Variants in NR5A2 observed in about 807,000 individuals in gnomAD.
The protein encoded by NR5A2 is CYP7A promoter-binding factor.
NR5A2 carries 26 observed loss-of-function variants against 62.7 expected under a neutral mutation model. The ratio of observed to expected loss-of-function variants is 0.41; its 90% CI spans 0.30 to 0.58. The LOEUF (loss-of-function observed/expected upper bound fraction) is 0.58. NR5A2 is among the 20% of genes least tolerant of loss of function. The pLI is 0.22. For synonymous variants in NR5A2, 246 were observed against 241.7 expected, an observed-to-expected ratio of 1.02 and a Z score of -0.16; for missense variants, 541 against 669.1, an observed-to-expected ratio of 0.81 and a Z score of 2.11.
chr1:200,042,689 C>T, intron 2 of NR5A2: 2 of 444,242 alleles, frequency 4.5e-6, no homozygotes, highest in Non-Finnish European at 3.0e-6. Context: ...CGGGCAGGGT[C>T]CCGGCTGCGC....
At chr1:200,137,041 C>T (rs1394901129) in intron 7 of NR5A2, among the ~76,000 whole-genome samples, 2 of 152,156 alleles carry the variant, frequency 1.3e-5, no homozygotes, top group Admixed American at 6.5e-5. Flanking sequence ...GTGATCCTGG[C>T]TCACTGCAGC....
chr1:200,131,665 G>A (rs1666974668), intron 7 of NR5A2, among the ~76,000 whole-genome samples: 1 of 152,216 alleles, frequency 6.6e-6, no homozygotes, highest in Non-Finnish European at 1.5e-5. Flanking sequence ...CAGCTCAGAA[G>A]AGCGTAGTTG....
chr1:200,132,920 G>T (rs1314340131), intron 7 of NR5A2, among the ~76,000 whole-genome samples: 1 of 152,114 alleles, frequency 6.6e-6, no homozygotes, highest in Non-Finnish European at 1.5e-5. Flanking sequence ...ACATCAGCAT[G>T]GAAGAGAACC....
Position 200,147,843 on chromosome 1 carries a change from C to T in NR5A2, c.1379-26120C>T. 1 of 458,724 alleles carries T rather than the reference C, an allele frequency of 2.2e-6. No individual in the cohort carries two copies. The highest frequency in any genetic ancestry group is 4.1e-6 in the Non-Finnish European group (1 of 245,210). 28.4% of individuals were successfully genotyped at this position (458,724 alleles called of 1,614,324 possible). On this transcript the variant is annotated intron_variant, in intron 7 of 7. Coordinates refer to ENST00000367362, the MANE Select transcript of NR5A2 (RefSeq NM_205860.3). This position sits in a 1 kb window ranked among gnomAD's most constrained non-coding sequence, Gnocchi z 4.9. ...GGTCCTGGCTGCAGCCATTGGTGAGCAGTATGGCCACCTGCTTGTAGGCGC... is the reference window on the plus strand; with the variant it reads ...GGTCCTGGCTGCAGCCATTGGTGAGTAGTATGGCCACCTGCTTGTAGGCGC...
chr1:200,082,685 A>G (rs185516009), intron 5 of NR5A2, among the ~76,000 whole-genome samples: 1 of 152,258 alleles, frequency 6.6e-6, no homozygotes, highest in East Asian at 1.9e-4. Context: ...ATTTTAGTAT[A>G]TTAATTAAGG....
At chr1:200,127,469 G>C (rs142658700) in intron 7 of NR5A2, among the ~76,000 whole-genome samples, 2,250 of 151,732 alleles carry the variant, frequency 0.015, 65 homozygotes, top group African/African-American at 0.051. Flanking sequence ...CTGAGGTCAA[G>C]AGTTTGAAAC....
At chr1:200,053,151 T>A (rs1662737387) in intron 5 of NR5A2, among the ~76,000 whole-genome samples, 1 of 152,038 alleles carries the variant, frequency 6.6e-6, no homozygotes, top group African/African-American at 2.4e-5. Context: ...ACTCCCCAAC[T>A]CTCATAGAAA....
chr1:200,044,982 A>T (rs1260633637), intron 3 of NR5A2, among the ~76,000 whole-genome samples: 1 of 132,988 alleles, frequency 7.5e-6, no homozygotes, highest in African/African-American at 3.0e-5. Flanking sequence ...ACATTTGTTA[A>T]AAAAAAAAAA....
At chr1:200,084,440 G>A (rs1664435780) in intron 5 of NR5A2, among the ~76,000 whole-genome samples, 1 of 152,068 alleles carries the variant, frequency 6.6e-6, no homozygotes, top group Non-Finnish European at 1.5e-5. Flanking sequence ...AATGATTTAG[G>A]GAAAAATAAT....
At position 200,039,694 on chromosome 1, in the gene NR5A2, C is replaced by A. The variant is rs566869226; in HGVS notation, c.101C>A (p.Pro34His). ...GLPDRHGSPIPARGRLVMLPK... is the reference protein window; with the variant it reads ...GLPDRHGSPIHARGRLVMLPK... ...CCGGACCGACACGGATCCCCCATCC[C>A]CGCCCGCGGTCGCCTTGTCATGCTG... Residue 34 changes from proline to histidine, a missense_variant, in exon 2 of 8, where the codon CCC (proline) becomes CAC (histidine). Physicochemically the swap from Pro to His is moderately conservative, Grantham distance 77. Around this residue, in one of 3 missense-constraint regions of NR5A2, gnomAD observed 108 missense variants for 103.3 expected, o/e 1.05. Coordinates refer to ENST00000367362, the MANE Select transcript of NR5A2 (RefSeq NM_205860.3). The surrounding 1 kb of genome is among the most constrained non-coding windows in gnomAD (Gnocchi z 5.1). 65 of 1,609,740 alleles carry A rather than the reference C, an allele frequency of 4.0e-5. No individual in the cohort carries two copies. Among genetic ancestry groups the A allele is most frequent in the Admixed American group, 2.8e-4 (17 of 59,828 alleles).
intron 5 of NR5A2, among the ~76,000 whole-genome samples, chr1:200,076,005 T>G (rs1340533450): frequency 6.6e-6 from 1 of 152,190 alleles, no homozygotes; most frequent in Non-Finnish European, 1.5e-5. Flanking sequence ...AATAACATCT[T>G]TTAAAAACAA....
intron 7 of NR5A2, among the ~76,000 whole-genome samples, chr1:200,144,080 G>A (rs1462044505): frequency 6.6e-6 from 1 of 152,056 alleles, no homozygotes; most frequent in Non-Finnish European, 1.5e-5. Flanking sequence ...AACAGGAAGA[G>A]TGCACCAAAA....
chr1:200,075,291 A>G lies in NR5A2; in HGVS notation c.1110+26473A>G, dbSNP rs1448443062. On this transcript the variant is annotated intron_variant, in intron 5 of 7. Transcript: ENST00000367362. ...AACATTTCCATTAATATAAGTGGAA[A>G]AAGGAAAGCCGCTTTGCAAAAAAAG... 9.8e-5 allele frequency among the ~76,000 whole-genome samples: 15 copies of G among 152,376 alleles called. No homozygotes were observed. The East Asian group carries it at 2.7e-3, about 27-fold the overall frequency.
At position 200,119,833 on chromosome 1, in the gene NR5A2, T is replaced by C. The variant is rs28668990; in HGVS notation, c.1231-975T>C. On this transcript the variant is annotated intron_variant, in intron 6 of 7. Coordinates refer to ENST00000367362, the MANE Select transcript of NR5A2 (RefSeq NM_205860.3). ...GTAGAGATGGGGTTTGGCCTTGAAC[T>C]CCTGGCCTCAAGCGATCCGCCCACC... Among the ~76,000 whole-genome samples, 887 of 152,120 alleles carry C rather than the reference T, an allele frequency of 5.8e-3. 5 individuals carry two copies. The highest frequency in any genetic ancestry group is 9.6e-3 in the Non-Finnish European group (653 of 67,996).
chr1:200,142,502 CTTCT>C (rs1300253888), intron 7 of NR5A2, among the ~76,000 whole-genome samples: 1 of 151,352 alleles, frequency 6.6e-6, no homozygotes, highest in Non-Finnish European at 1.5e-5. Flanking sequence ...AGCCTAAAGA[CTTCT>C]TTTTTTTAAA....
At chr1:200,152,542 A>C (rs558471246) in intron 7 of NR5A2, among the ~76,000 whole-genome samples, 1 of 152,340 alleles carries the variant, frequency 6.6e-6, no homozygotes, top group African/African-American at 2.4e-5. Context: ...AAACAAACTA[A>C]AACCTTGAGT....
At chr1:200,155,865 G>A (rs1337547802) in intron 7 of NR5A2, among the ~76,000 whole-genome samples, 1 of 152,000 alleles carries the variant, frequency 6.6e-6, no homozygotes, top group Non-Finnish European at 1.5e-5. Flanking sequence ...GTAGAGACGG[G>A]GTTCCGCCAT....
At chr1:200,044,981 A>G (rs750805314) in intron 3 of NR5A2, among the ~76,000 whole-genome samples, 2 of 97,106 alleles carry the variant, frequency 2.1e-5, no homozygotes, top group Non-Finnish European at 4.5e-5. Flanking sequence ...GACATTTGTT[A>G]AAAAAAAAAA....
intron 7 of NR5A2, among the ~76,000 whole-genome samples, chr1:200,148,728 TTTTC>T (rs1431112000): frequency 3.3e-5 from 5 of 152,234 alleles, no homozygotes; most frequent in African/African-American, 7.2e-5. Flanking sequence ...TGATTTTCTC[TTTTC>T]TTTAATATAT....
Sources: allele counts gnomAD v4.1 joint callset (sites outside exome capture counted in the v4.1 genomes callset), GRCh38; gene constraint gnomAD v4.1.1; regional missense constraint gnomAD v4.1.1; non-coding constraint Gnocchi (gnomAD v3.1); transcripts MANE v1.5; gene names NCBI Gene and HGNC (gene_info 2026-07-23, HGNC 2026-07-21).